The following SEPTIN14 variants were observed in gnomAD, a reference collection of about 807,000 sequenced individuals.
SEPTIN14 encodes septin-14.
A neutral mutation model predicts 53.6 loss-of-function variants in SEPTIN14; 40 were observed. The ratio of observed to expected loss-of-function variants is 0.75; its 90% CI spans 0.58 to 0.97. The LOEUF is 0.97. SEPTIN14 is among the 50% of genes least tolerant of loss of function. The probability of loss-of-function intolerance (pLI) is 0.00; values close to 1 mark genes in which losing one functional copy is unlikely to be tolerated. For synonymous variants in SEPTIN14, 138 were observed against 166.8 expected (o/e 0.83, Z 1.33); for missense variants, 471 against 508.2 (o/e 0.93, Z 0.70).
At chr7:55,855,660 A>G (rs908248928) in intron 2 of SEPTIN14, among the ~76,000 whole-genome samples, 16 of 152,074 alleles carry the variant, frequency 1.1e-4, no homozygotes, top group African/African-American at 3.9e-4. Context: ...GGTTCAAGCA[A>G]TTCTCCTGAC....
At chr7:55,808,788 G>A (rs574068855) in intron 7 of SEPTIN14, among the ~76,000 whole-genome samples, 2 of 152,190 alleles carry the variant, frequency 1.3e-5, no homozygotes, top group South Asian at 2.1e-4. Context: ...CTGACCTCAG[G>A]TGATCCACTC....
rs143003482 is a variant in SEPTIN14, at chr7:55,851,099, C to T, written c.55-4462G>A. 2.8e-3 allele frequency among the ~76,000 whole-genome samples: 424 copies of T among 152,238 alleles called. 5 individuals carry two copies. Among genetic ancestry groups the T allele is most frequent in the Middle Eastern group, 0.01 (3 of 294 alleles). ...GTCTCACAAAAAAAAAGCAAACATT[C>T]TGCAACTTGCTTTTTTCTACTAAAA... On this transcript the variant is annotated intron_variant, in intron 2 of 9. Transcript: ENST00000388975.
At chr7:55,838,505 C>T (rs968478710) in intron 5 of SEPTIN14, among the ~76,000 whole-genome samples, 1 of 139,284 alleles carries the variant, frequency 7.2e-6, no homozygotes, top group Non-Finnish European at 1.6e-5. Context: ...TCTTTTCTTC[C>T]TTCCCTCCCT....
At position 55,834,472 on chromosome 7, in the gene SEPTIN14, G is replaced by T; in HGVS notation, c.673C>A (p.Leu225Ile). 6.2e-7 allele frequency: 1 copy of T among 1,612,864 alleles called. No homozygotes were observed. The highest frequency in any genetic ancestry group is 8.5e-7 in the Non-Finnish European group (1 of 1,179,274). Residue 225 changes from leucine (L) to isoleucine (I), a missense_variant, in exon 6 of 10, where the codon CTC becomes ATC. Coordinates refer to ENST00000388975, the MANE Select transcript of SEPTIN14 (RefSeq NM_207366.3). ...GCAGCAGTTTCTTCATCTGTTGGGA[G>T]CTGATATATCTGGATGCCATTGCTA... ...LISNGIQIYQ[L>I]PTDEETAAQA...
chr7:55,861,667 C>T (rs188285232), intron 2 of SEPTIN14, among the ~76,000 whole-genome samples: 57 of 152,264 alleles, frequency 3.7e-4, no homozygotes, highest in Non-Finnish European at 5.4e-4. Context: ...ATTTATTGGG[C>T]GATTCAGAAG....
intron 9 of SEPTIN14, among the ~76,000 whole-genome samples, chr7:55,797,623 G>C (rs1455123839): frequency 6.6e-6 from 1 of 152,180 alleles, no homozygotes; most frequent in African/African-American, 2.4e-5. Flanking sequence ...GGGAATTCAG[G>C]ACCACTAGGT....
chr7:55,805,880 T>C (rs1202198283), intron 8 of SEPTIN14, among the ~76,000 whole-genome samples: 1 of 152,152 alleles, frequency 6.6e-6, no homozygotes, highest in Non-Finnish European at 1.5e-5. Flanking sequence ...AAGCAAAAAG[T>C]CTTTCAAAAT....
intron 7 of SEPTIN14, among the ~76,000 whole-genome samples, chr7:55,811,938 C>T (rs1313716941): frequency 6.6e-6 from 1 of 151,980 alleles, no homozygotes; most frequent in Non-Finnish European, 1.5e-5. Flanking sequence ...GGATTACAGG[C>T]GCCCGCCACC....
intron 2 of SEPTIN14, among the ~76,000 whole-genome samples, chr7:55,858,676 T>C (rs1348557330): frequency 6.6e-6 from 1 of 152,088 alleles, no homozygotes; most frequent in Non-Finnish European, 1.5e-5. Flanking sequence ...TGGTGGCGCA[T>C]GCCTATAATC....
At chr7:55,859,570 G>C (rs1789707046) in intron 2 of SEPTIN14, among the ~76,000 whole-genome samples, 1 of 152,044 alleles carries the variant, frequency 6.6e-6, no homozygotes, top group African/African-American at 2.4e-5. Flanking sequence ...TTTTTTAATA[G>C]CTAAGATATG....
chr7:55,853,453 T>C (rs1789553352), intron 2 of SEPTIN14, among the ~76,000 whole-genome samples: 1 of 152,154 alleles, frequency 6.6e-6, no homozygotes, highest in Non-Finnish European at 1.5e-5. Context: ...ATGTTCTCAC[T>C]TACTTGTGGG....
intron 5 of SEPTIN14, among the ~76,000 whole-genome samples, chr7:55,838,476 A>C (rs1789246554): frequency 8.0e-5 from 11 of 137,772 alleles, no homozygotes; most frequent in East Asian, 4.6e-4. Flanking sequence ...CTTCTTTTTT[A>C]CTTCCTTCCC....
chr7:55,805,084 A>C (rs1364888261), intron 9 of SEPTIN14, among the ~76,000 whole-genome samples, 174 bp downstream of exon 9: 1 of 152,170 alleles, frequency 6.6e-6, no homozygotes, highest in African/African-American at 2.4e-5. Context: ...TAGAAAAAAC[A>C]CTACAGACTA....
chr7:55,845,910 G>A (rs1209257934), intron 3 of SEPTIN14, among the ~76,000 whole-genome samples: 1 of 149,808 alleles, frequency 6.7e-6, no homozygotes, highest in African/African-American at 2.4e-5. Flanking sequence ...TTAGCCGGGT[G>A]TATTGGCGGG....
chr7:55,800,534 G>GTTC (rs1350051280), intron 9 of SEPTIN14, among the ~76,000 whole-genome samples: 2 of 151,900 alleles, frequency 1.3e-5, no homozygotes, highest in Non-Finnish European at 2.9e-5. Flanking sequence ...TGAGGCAGGA[G>GTTC]AATCGCTTGA....
rs369212193 is a variant in SEPTIN14 at position 55,842,907 on chromosome 7, CAA to C, written c.558+33_558+34del. 6.0e-3 allele frequency: 6,478 copies of C among 1,071,056 alleles called. 48 individuals carry two copies. Among genetic ancestry groups the C allele is most frequent in the African/African-American group, 0.033 (1,926 of 58,950 alleles). 66.3% of individuals were successfully genotyped at this position (1,071,056 alleles called of 1,614,324 possible). A position where few individuals can be genotyped will look rare whatever the true frequency, so the allele number is the denominator to read the frequency against. On this transcript the variant is annotated intron_variant, in intron 5 of 9. Coordinates refer to ENST00000388975, the MANE Select transcript of SEPTIN14 (RefSeq NM_207366.3). ...TGGGCGACAGAGGGAGACTCCGTCT[CAA>C]AAAAAAAAAGATGGTAGATTTACCA...
At chr7:55,847,514 C>T (rs1789435521) in intron 2 of SEPTIN14, among the ~76,000 whole-genome samples, 1 of 152,140 alleles carries the variant, frequency 6.6e-6, no homozygotes, top group Non-Finnish European at 1.5e-5. Flanking sequence ...CTGCCTTAGA[C>T]ATGCTCAGAA....
At chr7:55,858,321 G>A (rs891870256) in intron 2 of SEPTIN14, among the ~76,000 whole-genome samples, 6 of 152,308 alleles carry the variant, frequency 3.9e-5, no homozygotes, top group East Asian at 1.9e-4. Context: ...GTATTCTCAC[G>A]TACCTTCATC....
rs1330542323 is a variant in SEPTIN14, at chr7:55,830,341, ATATATATATTTT to A, written c.720+4072_720+4083del. Among the ~76,000 whole-genome samples the A allele has an allele frequency of 1.5e-3, 50 of 32,278 alleles. 1 individual carries two copies. Among genetic ancestry groups the A allele is most frequent in the African/African-American group, 8.8e-3 (40 of 4,562 alleles). 21.2% of individuals were successfully genotyped at this position (32,278 alleles called of 152,430 possible). On this transcript the variant is annotated intron_variant, in intron 6 of 9. Coordinates refer to ENST00000388975, the MANE Select transcript of SEPTIN14 (RefSeq NM_207366.3). ...CAACTGTATATATATATATATATAT[ATATATATATTTT>A]TTTTTTTTTTTGAGACGGAGTCTCG... is the stretch of plus-strand genomic sequence containing the variant.
Sources: gnomAD v4.1 joint callset for allele counts (sites outside exome capture counted in the v4.1 genomes callset) on GRCh38, gnomAD v4.1.1 for gene constraint, MANE v1.5 for transcripts, NCBI Gene and HGNC (gene_info 2026-07-23, HGNC 2026-07-21) for gene names.